KEL: variants seen among roughly 807,000 people sequenced by gnomAD.
KEL encodes kell blood group glycoprotein.
Under a neutral mutation model 99.5 loss-of-function variants are expected in KEL, and 96 were observed. The observed-to-expected ratio is 0.97, with a 90% confidence interval of 0.82 to 1.14. The LOEUF is 1.14. KEL is among the 50% of genes most tolerant of loss of function. KEL has a pLI of 0.00. For synonymous variants in KEL, 355 were observed against 354.8 expected, an observed-to-expected ratio of 1.00 and a Z score of -0.01; for missense variants, 926 against 924.2, an observed-to-expected ratio of 1.00 and a Z score of -0.03.
intron 4 of KEL, among the ~76,000 whole-genome samples, chr7:142,960,073 T>G (rs1796917876): frequency 6.6e-6 from 1 of 152,230 alleles, no homozygotes. Context: ...CAGCTCATCC[T>G]TCTGGTTTTC....
chr7:142,957,611 T>C (rs543223661), intron 6 of KEL, among the ~76,000 whole-genome samples: 2 of 152,342 alleles, frequency 1.3e-5, no homozygotes, highest in South Asian at 4.1e-4. Context: ...AGACCAGGCC[T>C]ACTTCTGTCT....
intron 10 of KEL, 21 bp downstream of exon 10, chr7:142,952,488 T>C: frequency 6.2e-7 from 1 of 1,613,212 alleles, no homozygotes; most frequent in African/African-American, 1.3e-5. Flanking sequence ...TCTGGGCAAA[T>C]ACACCCGCTC....
intron 3 of KEL, 59 bp downstream of exon 3, chr7:142,961,301 C>T (rs979417356): frequency 1.2e-6 from 2 of 1,609,258 alleles, no homozygotes; most frequent in African/African-American, 2.7e-5. Context: ...AGGGACTGGG[C>T]CTGGGCCCCA....
At position 142,960,998 on chromosome 7, in the gene KEL, C is replaced by T. The variant is rs1796941478; in HGVS notation, c.330G>A (p.Arg110=). ...GAAAAGAATTATTGGTCTCTTTGGCCCTTCCACAGGCAAAGCTGAAGAAGT... is the reference window on the plus strand; with the variant it reads ...GAAAAGAATTATTGGTCTCTTTGGCTCTTCCACAGGCAAAGCTGAAGAAGT... The part of the protein sequence containing the change: ...CTDFFSFACG[R]AKETNNSFQE... Residue 110 remains arginine, a synonymous_variant, in exon 4 of 19, where the codon AGG becomes AGA. Coordinates refer to ENST00000355265, the MANE Select transcript of KEL (RefSeq NM_000420.3). 2 of 1,614,202 alleles carry T rather than the reference C, an allele frequency of 1.2e-6. No homozygotes were observed. Among genetic ancestry groups the T allele is most frequent in the Non-Finnish European group, 1.7e-6 (2 of 1,180,034 alleles).
Position 142,954,244 on chromosome 7 carries a change from G to A in KEL, c.864C>T (p.Pro288=). 6.2e-7 allele frequency: 1 copy of A among 1,613,940 alleles called. No individual in the cohort carries two copies. Among genetic ancestry groups the A allele is most frequent in the African/African-American group, 1.3e-5 (1 of 75,028 alleles). Residue 288 remains proline, a synonymous_variant, in exon 8 of 19, where the codon CCC becomes CCT. Transcript: ENST00000355265. ...TGCCCTGTGCCCGCCGCTGCTCCAG[G>A]GGCCTCAGAAACTGGAACAGCCGTG... ...ITSRLFQFLR[P]LEQRRAQGKL...
intron 10 of KEL, chr7:142,946,540 C>T (rs1796535319): frequency 1.7e-6 from 1 of 595,058 alleles, no homozygotes; most frequent in African/African-American, 1.9e-5. Context: ...GTAAATCCTT[C>T]ATGTTATTGC....
chr7:142,954,191 T>C lies in KEL; in HGVS notation c.917A>G (p.Gln306Arg). ...GKLFQMVTID[Q>R]LKEMAPAIDW... ...GCCCCCAGTTCCAGGCACCTTGAGC[T>C]GGTCGATAGTGACCATCTGGAAGAG... Residue 306 changes from glutamine (Q) to arginine (R), a missense_variant, in exon 8 of 19, where the codon CAG (glutamine) becomes CGG (arginine). Gln to Arg is a conservative substitution (Grantham distance 43, BLOSUM62 1). Coordinates refer to ENST00000355265, the MANE Select transcript of KEL (RefSeq NM_000420.3). The C allele has an allele frequency of 4.3e-6, 7 of 1,609,964 alleles. No homozygotes were observed. The highest frequency in any genetic ancestry group is 5.9e-6 in the Non-Finnish European group (7 of 1,179,970).
At chr7:142,950,042 G>A (rs922177869) in intron 10 of KEL, among the ~76,000 whole-genome samples, 5 of 152,254 alleles carry the variant, frequency 3.3e-5, no homozygotes, top group Admixed American at 2.6e-4. Context: ...ATCAGAAGTC[G>A]GTAATTAATG....
chr7:142,948,297 G>C (rs1796585086), intron 10 of KEL, among the ~76,000 whole-genome samples: 1 of 151,428 alleles, frequency 6.6e-6, no homozygotes. Context: ...AATAGAATTC[G>C]AGAAAAAAAA....
chr7:142,942,359 G>GT, intron 18 of KEL, 75 bp downstream of exon 18: 1 of 974,024 alleles, frequency 1.0e-6, no homozygotes, highest in Non-Finnish European at 1.6e-6. Flanking sequence ...CTGAAGAGGG[G>GT]ACTTCCATGA....
Position 142,961,854 on chromosome 7 carries a change from CA to C in KEL, c.21del (p.Ser7ArgfsTer43). On this transcript the variant is annotated frameshift_variant, in exon 2 of 19. Coordinates refer to ENST00000355265, the MANE Select transcript of KEL (RefSeq NM_000420.3). LOFTEE classifies it high-confidence loss of function. ...TGGCTGCGTTCCCTCGGCTCTTCCT[CA>C]CTTTGGTCCCCACCTTCCTGAAGTG... MEGGDQSEEEPRERSQA... is the reference protein window; with the variant it reads MEGGDQXEEEPRERSQA... The C allele has an allele frequency of 6.2e-7, 1 of 1,614,126 alleles. No homozygotes were observed. The highest frequency in any genetic ancestry group is 8.5e-7 in the Non-Finnish European group (1 of 1,180,004).
rs1296912987 is a variant in KEL at position 142,954,144 on chromosome 7, T to C, written c.924+40A>G. ...AAGGAGGTAATGTTTGAGAGGAAGA[T>C]CCCCATGCCCACAGTCTTCTGGCCC... is the stretch of plus-strand genomic sequence containing the variant. On this transcript the variant is annotated intron_variant, in intron 8 of 18. Coordinates refer to ENST00000355265, the MANE Select transcript of KEL (RefSeq NM_000420.3). 5 of 1,582,294 alleles carry C rather than the reference T, an allele frequency of 3.2e-6. No individual in the cohort carries two copies. In the Admixed American group the frequency reaches 6.7e-5, roughly 21 times the overall value.
chr7:142,955,049 T>C (rs920471597), intron 6 of KEL, among the ~76,000 whole-genome samples: 4 of 152,238 alleles, frequency 2.6e-5, no homozygotes, highest in Non-Finnish European at 5.9e-5. Flanking sequence ...AAGCTGTTTC[T>C]GGGTGTCACT....
intron 10 of KEL, among the ~76,000 whole-genome samples, chr7:142,951,076 T>C (rs1796674332): frequency 1.3e-5 from 2 of 152,346 alleles, no homozygotes; most frequent in South Asian, 2.1e-4. Context: ...TCTTTTATAC[T>C]ATTGTTCCAG....
At chr7:142,953,098 A>G (rs757990437) in intron 9 of KEL, among the ~76,000 whole-genome samples, 7 of 152,030 alleles carry the variant, frequency 4.6e-5, no homozygotes, top group Non-Finnish European at 8.8e-5. Context: ...ACCTCCCTCA[A>G]AAAGGATTTC....
At chr7:142,942,690 A>G (rs971122791) in intron 17 of KEL, among the ~76,000 whole-genome samples, 161 bp from the exon 18 acceptor site, 1 of 152,208 alleles carries the variant, frequency 6.6e-6, no homozygotes, top group Non-Finnish European at 1.5e-5. Context: ...AGACCTATAG[A>G]TGTCCTAAAA....
At chr7:142,950,883 C>T (rs1015341914) in intron 10 of KEL, among the ~76,000 whole-genome samples, 3 of 152,126 alleles carry the variant, frequency 2.0e-5, no homozygotes, top group Admixed American at 2.0e-4. Context: ...TGTTCACTTA[C>T]TTGTGAGCTG....
intron 10 of KEL, among the ~76,000 whole-genome samples, chr7:142,947,552 A>G (rs1333458962): frequency 1.3e-5 from 2 of 152,018 alleles, no homozygotes; most frequent in Non-Finnish European, 2.9e-5. Context: ...CTTGAGTCTT[A>G]TTTTTATTTT....
chr7:142,946,863 T>C (rs1479295322), intron 10 of KEL, among the ~76,000 whole-genome samples: 1 of 152,202 alleles, frequency 6.6e-6, no homozygotes, highest in Non-Finnish European at 1.5e-5. Flanking sequence ...TTAGATGCCA[T>C]ATTGTTTGCT....
Sources: gnomAD v4.1 joint callset for allele counts (sites outside exome capture counted in the v4.1 genomes callset) on GRCh38, gnomAD v4.1.1 for gene constraint, MANE v1.5 for transcripts, NCBI Gene and HGNC (gene_info 2026-07-23, HGNC 2026-07-21) for gene names.